Variants in MAP3K15 observed in about 807,000 individuals in gnomAD.
The protein encoded by MAP3K15 is MAPK/ERK kinase kinase 15.
A neutral mutation model predicts 99.5 loss-of-function variants in MAP3K15; 124 were observed. The observed-to-expected ratio is 1.25, with a 90% CI of 1.08 to 1.45. MAP3K15 has a LOEUF of 1.45. Ranked by LOEUF, MAP3K15 falls within the 40% of genes most tolerant of loss-of-function variation. The pLI is 0.00. For missense variants in MAP3K15, 1,242 were observed against 1,079.7 expected (o/e 1.15, Z -2.11); for synonymous variants, 494 against 439.6 (o/e 1.12, Z -1.55).
intron 4 of MAP3K15, 138 bp downstream of exon 4, chrX:19,464,075 G>T: frequency 2.1e-6 from 1 of 480,740 alleles, no homozygotes; most frequent in South Asian, 4.8e-5. Context: ...CATTTCAGTG[G>T]CCCAGCTAAG....
Position 19,407,182 on chromosome X carries a change from A to G in MAP3K15, c.1844+6T>C. 2.7e-6 allele frequency: 3 copies of G among 1,125,782 alleles called. No homozygotes were observed. The highest frequency in any genetic ancestry group is 3.6e-6 in the Non-Finnish European group (3 of 837,270). 92.8% of individuals were successfully genotyped at this position (1,125,782 alleles called of 1,213,427 possible). On this transcript the variant is annotated splice_donor_region_variant and intron_variant, in intron 13 of 28. Transcript: ENST00000338883. The stretch of plus-strand genomic sequence containing the variant: ...ATTGCAAATACCTGAATTGGCTGTA[A>G]CTCACCTACTGCACTGCTCTTCGGT...
Position 19,426,333 on chromosome X carries a change from C to G in MAP3K15, c.1177G>C (p.Gly393Arg). ...RDSAIEWYRK[G>R]FELQSSLYSG... is the part of the protein sequence containing the mutation. ...TAGAGGGATGACTGGAGTTCAAACCCTTTGCGATACCTATAATTACAGAAC... is the reference window on the plus strand; with the variant it reads ...TAGAGGGATGACTGGAGTTCAAACCGTTTGCGATACCTATAATTACAGAAC... The change falls in exon 8 of 29, where the codon GGG becomes CGG. Residue 393 changes from glycine to arginine, a missense_variant. Transcript: ENST00000338883. 2 of 1,082,871 alleles carry G rather than the reference C, an allele frequency of 1.8e-6. No individual in the cohort carries two copies. The highest frequency in any genetic ancestry group is 2.5e-6 in the Non-Finnish European group (2 of 815,966). The allele number at this position is 1,082,871 out of a possible 1,213,427, so 89.2% of individuals were successfully genotyped here. A position where few individuals can be genotyped will look rare whatever the true frequency, so the allele number is the denominator to read the frequency against.
intron 6 of MAP3K15, among the ~76,000 whole-genome samples, chrX:19,437,702 T>C (rs769948992): frequency 6.2e-5 from 7 of 112,029 alleles, no homozygotes; most frequent in African/African-American, 2.3e-4. Context: ...CATTTTAGAA[T>C]GCAAGCTCCG....
At chrX:19,439,490 C>T (rs1041001419) in intron 6 of MAP3K15, among the ~76,000 whole-genome samples, 2 of 111,233 alleles carry the variant, frequency 1.8e-5, no homozygotes, top group Non-Finnish European at 3.8e-5. Context: ...TTTTTTGAGA[C>T]AGGATCTCAC....
intron 3 of MAP3K15, among the ~76,000 whole-genome samples, chrX:19,472,228 AT>A (rs1236719882): frequency 1.0e-2 from 23 of 2,301 alleles, no homozygotes; most frequent in Admixed American, 0.016. Flanking sequence ...TGTCTCAAAA[AT>A]AATAATAATA....
rs12688166 is a variant in MAP3K15 at position 19,364,919 on chromosome X, T to C, written c.3567-2069A>G. The stretch of plus-strand genomic sequence containing the variant: ...AAAAAAAAAAAAAAAAAAAAATTCT[T>C]TGGGCTGGGCGCAGTGGCTCAAGCC... On this transcript the variant is annotated intron_variant, in intron 25 of 28. Transcript: ENST00000338883. Among the ~76,000 whole-genome samples the C allele has an allele frequency of 0.015, 1,334 of 90,103 alleles. 64 individuals carry two copies. In the South Asian group the frequency reaches 0.2, roughly 14 times the overall value. 78.2% of individuals were successfully genotyped at this position (90,103 alleles called of 115,157 possible). A position where few individuals can be genotyped will look rare whatever the true frequency, so the allele number is the denominator to read the frequency against.
At chrX:19,425,410 G>T in intron 9 of MAP3K15, 121 bp downstream of exon 9, 2 of 637,477 alleles carry the variant, frequency 3.1e-6, no homozygotes, top group Non-Finnish European at 4.5e-6. Context: ...GAGCAGTTGT[G>T]TCTGTGCTAA....
chrX:19,389,011 C>G (rs764500696), intron 18 of MAP3K15, among the ~76,000 whole-genome samples: 2 of 111,604 alleles, frequency 1.8e-5, no homozygotes, highest in African/African-American at 6.5e-5. Context: ...ACTGCAAAAA[C>G]AGGACTCAAC....
chrX:19,402,110 G>A (rs1371494173), intron 13 of MAP3K15, among the ~76,000 whole-genome samples: 4 of 104,474 alleles, frequency 3.8e-5, no homozygotes, highest in Non-Finnish European at 7.7e-5. Context: ...CAACGTGGCC[G>A]AAACCCCGTT....
intron 3 of MAP3K15, among the ~76,000 whole-genome samples, chrX:19,470,020 A>T (rs1370172394): frequency 1.4e-4 from 16 of 111,338 alleles, no homozygotes; most frequent in African/African-American, 4.3e-4. Flanking sequence ...AGAACTAGAA[A>T]TACCATTTGA....
At chrX:19,487,693 T>TA (rs1242390804) in intron 2 of MAP3K15, among the ~76,000 whole-genome samples, 1 of 112,123 alleles carries the variant, frequency 8.9e-6, no homozygotes, top group Non-Finnish European at 1.9e-5. Flanking sequence ...ACATACAAGT[T>TA]ACACATCTCA....
chrX:19,395,507 T>G (rs1004660987), intron 15 of MAP3K15, among the ~76,000 whole-genome samples: 1 of 111,486 alleles, frequency 9.0e-6, no homozygotes. Context: ...TTTTCGGGCC[T>G]GAACCCACCA....
chrX:19,380,594 C>T (rs1453027824), intron 18 of MAP3K15, among the ~76,000 whole-genome samples: 2 of 111,182 alleles, frequency 1.8e-5, no homozygotes, highest in African/African-American at 3.3e-5. Context: ...GGCGTGATCT[C>T]GGCTCACCGC....
intron 6 of MAP3K15, among the ~76,000 whole-genome samples, chrX:19,447,883 CAAA>C (rs753152404): frequency 4.5e-3 from 116 of 25,960 alleles, no homozygotes; most frequent in African/African-American, 0.012. Flanking sequence ...GACTCCGTCT[CAAA>C]AAAAAAAAAA....
intron 14 of MAP3K15, 85 bp from the exon 15 acceptor site, chrX:19,398,444 TA>T: frequency 2.0e-4 from 199 of 980,076 alleles, no homozygotes; most frequent in Admixed American, 2.4e-4. Flanking sequence ...GTCTAGCAAC[TA>T]AAAAAAATAT....
chrX:19,502,245 T>A (rs73455681), intron 1 of MAP3K15, among the ~76,000 whole-genome samples: 1,639 of 109,569 alleles, frequency 0.015, 43 homozygotes, highest in African/African-American at 0.051. Flanking sequence ...ACTGATATGG[T>A]TTGGCTGTGT....
intron 9 of MAP3K15, among the ~76,000 whole-genome samples, chrX:19,418,038 C>T (rs1331486091): frequency 8.9e-6 from 1 of 111,759 alleles, no homozygotes; most frequent in African/African-American, 3.3e-5. Context: ...AAAACCCCAT[C>T]TGTACGTCAC....
intron 5 of MAP3K15, among the ~76,000 whole-genome samples, chrX:19,457,595 G>C (rs2064103063): frequency 8.9e-6 from 1 of 111,979 alleles, no homozygotes; most frequent in Non-Finnish European, 1.9e-5. Flanking sequence ...CTGGGCAACA[G>C]AGCAAGACTC....
intron 25 of MAP3K15, among the ~76,000 whole-genome samples, chrX:19,368,288 G>A (rs923928371): frequency 2.7e-5 from 3 of 111,497 alleles, no homozygotes; most frequent in Non-Finnish European, 3.8e-5. Context: ...GATTACAGGC[G>A]TGCGCCACCA....
Sources: gnomAD v4.1 joint callset for allele counts (sites outside exome capture counted in the v4.1 genomes callset) on GRCh38, gnomAD v4.1.1 for gene constraint, MANE v1.5 for transcripts, NCBI Gene and HGNC (gene_info 2026-07-23, HGNC 2026-07-21) for gene names.